Variants in LZIC observed in about 807,000 individuals in gnomAD.
The protein encoded by LZIC is protein LZIC.
A neutral mutation model predicts 25.4 loss-of-function variants in LZIC; 28 were observed. The observed-to-expected ratio is 1.10, with a 90% confidence interval of 0.82 to 1.51. The LOEUF is 1.51. LZIC is among the 40% of genes most tolerant of loss of function. LZIC has a pLI of 0.00. For synonymous variants in LZIC, 65 were observed against 70.7 expected (o/e 0.92, Z 0.40); for missense variants, 170 against 211.1 (o/e 0.81, Z 1.21).
chr1:9,925,886 C>CTTTT (rs70998325), downstream of LZIC, among the ~76,000 whole-genome samples: 9 of 43,472 alleles, frequency 2.1e-4, no homozygotes, highest in African/African-American at 6.5e-4. Flanking sequence ...CCACTCATGC[C>CTTTT]TTTTTTTTTT....
intron 7 of LZIC, 33 bp downstream of exon 7, chr1:9,931,858 A>G: frequency 1.4e-6 from 2 of 1,449,234 alleles, no homozygotes; most frequent in South Asian, 2.3e-5. Context: ...ACAGTAGTAT[A>G]CGACCAGCTT....
In LZIC at chr1:9,935,523, G is replaced by A. The variant is rs142462900; in HGVS notation, c.206C>T (p.Thr69Ile). The A allele has an allele frequency of 1.2e-6, 2 of 1,611,098 alleles. No individual in the cohort carries two copies. The highest frequency in any genetic ancestry group is 1.7e-6 in the Non-Finnish European group (2 of 1,179,200). The change falls in exon 4 of 8, where the codon ACT (threonine) becomes ATT (isoleucine). Residue 69 changes from threonine to isoleucine, a missense_variant. Transcript: ENST00000377223. ...SLKKIMSGNMTLVDELSGMQL... is the reference protein window; with the variant it reads ...SLKKIMSGNMILVDELSGMQL... ...CATTCCACTTAGTTCATCTACCAAA[G>A]TCATATTTCCAGACATAATTTTCTT...
Position 9,927,508 on chromosome 1 carries a change from G to A in LZIC, c.*2891C>T, listed in dbSNP as rs545323214. On this transcript the variant is annotated 3_prime_UTR_variant, in exon 8 of 8. Transcript: ENST00000377223. ...TTAGAGACAGGGTTTCACCATGTTG[G>A]CCAGGCTGGTCTCAAATCCTGAGTT... 2.6e-5 allele frequency among the ~76,000 whole-genome samples: 4 copies of A among 151,104 alleles called. No individual in the cohort carries two copies. In the East Asian group the frequency reaches 7.8e-4, roughly 30 times the overall value.
chr1:9,940,458 C>T (rs1384963668), intron 2 of LZIC, among the ~76,000 whole-genome samples: 5 of 151,974 alleles, frequency 3.3e-5, no homozygotes, highest in South Asian at 4.2e-4. Context: ...GGATTACAGG[C>T]GTGAGCCACT....
At chr1:9,939,302 T>G (rs1239259213) in intron 2 of LZIC, among the ~76,000 whole-genome samples, 1 of 151,750 alleles carries the variant, frequency 6.6e-6, no homozygotes, top group Non-Finnish European at 1.5e-5. Context: ...CCTCAAATGA[T>G]CCACTCACCC....
chr1:9,926,115 G>A (rs182151062), downstream of LZIC, among the ~76,000 whole-genome samples: 110 of 151,842 alleles, frequency 7.2e-4, no homozygotes, highest in Admixed American at 1.5e-3. Flanking sequence ...GGATGGTCTC[G>A]ATCTTATGAT....
Sources: gnomAD v4.1 joint callset for allele counts (sites outside exome capture counted in the v4.1 genomes callset) on GRCh38, gnomAD v4.1.1 for gene constraint, MANE v1.5 for transcripts, NCBI Gene and HGNC (gene_info 2026-07-23, HGNC 2026-07-21) for gene names.